C1orf21: variants seen among roughly 807,000 people sequenced by gnomAD.
C1orf21 encodes uncharacterized protein C1orf21.
A neutral mutation model predicts 18.7 loss-of-function variants in C1orf21; 3 were observed. That is an observed-to-expected ratio of 0.16 (90% CI 0.07 to 0.42). The LOEUF is 0.42. Among genes scored for constraint, C1orf21 ranks in the 10% least tolerant of loss-of-function variants. C1orf21 has a pLI of 0.99. For missense variants in C1orf21, 104 were observed against 143.6 expected, an observed-to-expected ratio of 0.72 and a Z score of 1.41; for synonymous variants, 41 against 46.4, an observed-to-expected ratio of 0.88 and a Z score of 0.47.
chr1:184,593,827 A>G (rs1400223324), intron 4 of C1orf21, among the ~76,000 whole-genome samples: 2 of 152,264 alleles, frequency 1.3e-5, no homozygotes, highest in Non-Finnish European at 2.9e-5. Flanking sequence ...GCAATGCGCA[A>G]TATTGAATGG....
intron 3 of C1orf21, among the ~76,000 whole-genome samples, chr1:184,588,907 G>A (rs540655757): frequency 2.6e-5 from 4 of 152,254 alleles, no homozygotes; most frequent in Non-Finnish European, 4.4e-5. Context: ...GGAGTGATGC[G>A]TTACTGAGGG....
intron 1 of C1orf21, among the ~76,000 whole-genome samples, chr1:184,463,740 A>G (rs550837625): frequency 6.6e-6 from 1 of 152,370 alleles, no homozygotes; most frequent in East Asian, 1.9e-4. Context: ...GTAAATGCTA[A>G]CTTCAAAAGG....
chr1:184,530,128 C>G (rs990054265), intron 3 of C1orf21, among the ~76,000 whole-genome samples: 1 of 152,164 alleles, frequency 6.6e-6, no homozygotes, highest in Non-Finnish European at 1.5e-5. Context: ...TATTAGTAAT[C>G]TAAATATAGT....
intron 2 of C1orf21, among the ~76,000 whole-genome samples, chr1:184,485,714 A>G (rs1042783448): frequency 2.6e-5 from 4 of 152,252 alleles, no homozygotes; most frequent in South Asian, 4.2e-4. Flanking sequence ...AGCTTGGCCA[A>G]TGAACAGGAG....
chr1:184,448,080 C>G (rs757308065), intron 1 of C1orf21, among the ~76,000 whole-genome samples: 2 of 152,056 alleles, frequency 1.3e-5, no homozygotes, highest in Non-Finnish European at 2.9e-5. Context: ...CTTTATCTTT[C>G]AAGTCTTTTC....
At chr1:184,429,408 A>G (rs939958571) in intron 1 of C1orf21, among the ~76,000 whole-genome samples, 2 of 152,158 alleles carry the variant, frequency 1.3e-5, no homozygotes, top group Admixed American at 6.5e-5. Context: ...TTTTTTTCTT[A>G]AGAAAAAGAA....
At chr1:184,489,679 A>G (rs1232890892) in intron 2 of C1orf21, among the ~76,000 whole-genome samples, 5 of 152,228 alleles carry the variant, frequency 3.3e-5, no homozygotes, top group Non-Finnish European at 5.9e-5. Flanking sequence ...AAGGTATTCT[A>G]TATTTATTGA....
intron 2 of C1orf21, among the ~76,000 whole-genome samples, chr1:184,504,845 T>C (rs1156706903): frequency 2.0e-5 from 3 of 152,204 alleles, no homozygotes; most frequent in Non-Finnish European, 4.4e-5. Context: ...TAACACCACG[T>C]TGGCTAGCCA....
chr1:184,441,842 G>C (rs2101975378), intron 1 of C1orf21, among the ~76,000 whole-genome samples: 1 of 152,298 alleles, frequency 6.6e-6, no homozygotes, highest in South Asian at 2.1e-4. Context: ...TTAAAGAAAT[G>C]TGTAGGCCCA....
intron 3 of C1orf21, among the ~76,000 whole-genome samples, chr1:184,561,635 G>A (rs2101986238): frequency 6.6e-6 from 1 of 152,102 alleles, no homozygotes; most frequent in East Asian, 1.9e-4. Context: ...TGTTTGTTTT[G>A]AGTCAGAGTC....
intron 3 of C1orf21, among the ~76,000 whole-genome samples, chr1:184,529,858 G>GA (rs1346325186): frequency 6.6e-6 from 1 of 152,172 alleles, no homozygotes; most frequent in Non-Finnish European, 1.5e-5. Flanking sequence ...CCCTATGTGG[G>GA]TATTAACTTA....
intron 2 of C1orf21, among the ~76,000 whole-genome samples, chr1:184,493,596 T>C (rs1293313739): frequency 6.6e-6 from 1 of 152,252 alleles, no homozygotes. Flanking sequence ...ATGTCACTGT[T>C]GATTTTGATC....
At chr1:184,465,687 G>T (rs919793069) in intron 1 of C1orf21, among the ~76,000 whole-genome samples, 2 of 152,108 alleles carry the variant, frequency 1.3e-5, no homozygotes, top group Non-Finnish European at 2.9e-5. Flanking sequence ...CCACAGCTGG[G>T]CCACCCAATG....
At chr1:184,390,228 G>T (rs954797746) in intron 1 of C1orf21, among the ~76,000 whole-genome samples, 13 of 152,222 alleles carry the variant, frequency 8.5e-5, no homozygotes, top group African/African-American at 3.1e-4. Context: ...GTATCTTAGA[G>T]TGTGGTCACT....
chr1:184,449,682 A>C (rs1020630598), intron 1 of C1orf21, among the ~76,000 whole-genome samples: 12 of 152,214 alleles, frequency 7.9e-5, no homozygotes, highest in African/African-American at 2.9e-4. Context: ...ATATAATTTA[A>C]GTCTTCCAAG....
At chr1:184,507,879 G>C (rs1030474089) in intron 3 of C1orf21, among the ~76,000 whole-genome samples, 197 bp downstream of exon 3, 3 of 152,112 alleles carry the variant, frequency 2.0e-5, no homozygotes, top group Admixed American at 1.3e-4. Context: ...CTTTAATCTT[G>C]ATGGGGAATG....
intron 1 of C1orf21, among the ~76,000 whole-genome samples, chr1:184,414,631 A>G (rs1310523668): frequency 6.6e-6 from 1 of 152,200 alleles, no homozygotes; most frequent in South Asian, 2.1e-4. Context: ...CTGTATTAGA[A>G]AGACAAAATC....
intron 1 of C1orf21, among the ~76,000 whole-genome samples, chr1:184,413,430 G>A (rs1160060053): frequency 1.3e-5 from 2 of 152,168 alleles, no homozygotes; most frequent in African/African-American, 2.4e-5. Flanking sequence ...GGAGTGAAGC[G>A]TAGATGTCAT....
At chr1:184,605,303 A>G (rs1360910818) in intron 5 of C1orf21, among the ~76,000 whole-genome samples, 2 of 152,204 alleles carry the variant, frequency 1.3e-5, no homozygotes, top group Non-Finnish European at 2.9e-5. Context: ...TAACTACTGC[A>G]TTGTTATTTA....
Sources: gnomAD v4.1 joint callset for allele counts (sites outside exome capture counted in the v4.1 genomes callset) on GRCh38, gnomAD v4.1.1 for gene constraint, MANE v1.5 for transcripts, NCBI Gene and HGNC (gene_info 2026-07-23, HGNC 2026-07-21) for gene names.